AGO2: variants seen among roughly 807,000 people sequenced by gnomAD.
AGO2 encodes argonaute RISC catalytic component 2.
In AGO2, 5 loss-of-function variants were observed where a neutral mutation model predicts 102.3. That is an observed-to-expected ratio of 0.05 (90% CI 0.03 to 0.10). The LOEUF (loss-of-function observed/expected upper bound fraction) is 0.10. Ranked by LOEUF, AGO2 falls within the 10% of genes least tolerant of loss-of-function variation. The pLI, the probability that AGO2 is intolerant of heterozygous loss-of-function variation, is 1.00. For synonymous variants in AGO2, 449 were observed against 473.1 expected (o/e 0.95, Z 0.66); for missense variants, 541 against 1,183.7 (o/e 0.46, Z 7.97).
rs1356656172 is a variant in AGO2 at position 140,531,325 on chromosome 8, A to G, written c.*719T>C. The G allele has an allele frequency of 6.6e-6, 1 of 152,604 alleles. No homozygotes were observed. The highest frequency in any genetic ancestry group is 1.5e-5 in the Non-Finnish European group (1 of 68,054). 9.5% of individuals were successfully genotyped at this position (152,604 alleles called of 1,614,324 possible). On this transcript the variant is annotated 3_prime_UTR_variant, in exon 19 of 19. Transcript: ENST00000220592. ...AATCTGATGATTAGACTGTCAGTATATTGTCTTTTTTCTTTTTTTAAATAC... is the reference window on the plus strand; with the variant it reads ...AATCTGATGATTAGACTGTCAGTATGTTGTCTTTTTTCTTTTTTTAAATAC...
chr8:140,594,812 G>A (rs1452716599), intron 1 of AGO2, among the ~76,000 whole-genome samples: 7 of 87,802 alleles, frequency 8.0e-5, no homozygotes, highest in South Asian at 3.7e-4. Flanking sequence ...CCGTCTCGAC[G>A]GAAAGAAAAA....
At chr8:140,541,023 C>T in intron 15 of AGO2, 141 bp downstream of exon 15, 1 of 1,023,932 alleles carries the variant, frequency 9.8e-7, no homozygotes, top group Non-Finnish European at 1.4e-6. Flanking sequence ...CCTGGACCCC[C>T]TTCCATGGTG....
At chr8:140,633,861 G>A (rs749392561) in intron 1 of AGO2, among the ~76,000 whole-genome samples, 1 of 152,238 alleles carries the variant, frequency 6.6e-6, no homozygotes, top group African/African-American at 2.4e-5. Context: ...TCAGCAAGTG[G>A]AGTGAATTAA....
At chr8:140,608,490 G>A (rs1034758776) in intron 1 of AGO2, among the ~76,000 whole-genome samples, 4 of 152,210 alleles carry the variant, frequency 2.6e-5, no homozygotes, top group African/African-American at 9.7e-5. Flanking sequence ...CCCTCCCAGC[G>A]CTATTCAGGG....
intron 1 of AGO2, among the ~76,000 whole-genome samples, chr8:140,609,468 G>A (rs546578875): frequency 1.1e-4 from 17 of 152,312 alleles, no homozygotes; most frequent in Admixed American, 9.2e-4. Flanking sequence ...AGGTCGGCAC[G>A]GCGGCCCGCC....
rs535691560 is a variant in AGO2, at chr8:140,586,676, T to C, written c.23-1365A>G. ...CAGGGAGTGGACATCACAGTCCAGG[T>C]GGGTTCAGTGGAGACAGCCACTCCC... On this transcript the variant is annotated intron_variant, in intron 1 of 18. Transcript: ENST00000220592. Among the ~76,000 whole-genome samples the C allele has an allele frequency of 4.4e-4, 67 of 152,186 alleles. 2 individuals are homozygous for C. The highest frequency in any genetic ancestry group is 4.4e-4 in the Non-Finnish European group (30 of 67,996).
chr8:140,533,144 C>A (rs897116606), intron 17 of AGO2, among the ~76,000 whole-genome samples: 1 of 151,724 alleles, frequency 6.6e-6, no homozygotes, highest in African/African-American at 2.4e-5. Flanking sequence ...AATCCCAGCA[C>A]TTTGGGAGGC....
intron 10 of AGO2, among the ~76,000 whole-genome samples, chr8:140,552,942 T>C (rs980912002): frequency 2.6e-5 from 4 of 152,174 alleles, no homozygotes; most frequent in Admixed American, 2.6e-4. Flanking sequence ...GGCAAAATCA[T>C]CCCTGGTCGA....
At position 140,540,087 on chromosome 8, in the gene AGO2, A is replaced by AAAAAAAACAAAC. The variant is rs1256440734; in HGVS notation, c.2035-645_2035-634dup. Among the ~76,000 whole-genome samples, 5 of 151,960 alleles carry AAAAAAAACAAAC rather than the reference A, an allele frequency of 3.3e-5. No homozygotes were observed. In the East Asian group the frequency reaches 9.7e-4, roughly 29 times the overall value. On this transcript the variant is annotated intron_variant, in intron 15 of 18. Transcript: ENST00000220592. The surrounding 1 kb of genome is among the most constrained non-coding windows in gnomAD (Gnocchi z 5.0). ...ACTGGAGACAGCGAGAGTCTTTCTC[A>AAAAAAAACAAAC]AAAAAAACAAACAAAAAAACAAAAC...
Position 140,524,503 on chromosome 8 carries a change from GGAAA to G in AGO2, c.*7537_*7540del, listed in dbSNP as rs1259405158. The G allele has an allele frequency of 6.6e-6, 1 of 152,230 alleles. No homozygotes were observed. The highest frequency in any genetic ancestry group is 1.5e-5 in the Non-Finnish European group (1 of 68,062). The allele number at this position is 152,230 out of a possible 1,614,324, so 9.4% of individuals were successfully genotyped here. ...GTTTACAAGTCAGGGGCTGAGGAGC[GGAAA>G]GAAAGCTTCCAAGGCTGGAGGTCCA... On this transcript the variant is annotated 3_prime_UTR_variant, in exon 19 of 19. Coordinates refer to ENST00000220592, the MANE Select transcript of AGO2 (RefSeq NM_012154.5).
intron 16 of AGO2, among the ~76,000 whole-genome samples, chr8:140,537,316 GGTTTC>G (rs1346970125): frequency 1.3e-5 from 2 of 148,934 alleles, no homozygotes; most frequent in Admixed American, 6.8e-5. Context: ...CAATTTTCAG[GGTTTC>G]TTTTCTTTTT....
the AGO2 span, among the ~76,000 whole-genome samples, chr8:140,642,290 G>A: frequency 6.6e-5 from 10 of 152,134 alleles, no homozygotes; most frequent in Admixed American, 4.6e-4. Flanking sequence ...TAGATGCCCC[G>A]CTTCTCTGAA....
At chr8:140,592,011 T>A (rs929049934) in intron 1 of AGO2, 1 of 152,108 alleles carries the variant, frequency 6.6e-6, no homozygotes, top group Non-Finnish European at 1.5e-5. Flanking sequence ...TCCCAGCTAT[T>A]TGGGAGGCTG....
At chr8:140,535,675 GT>G in intron 16 of AGO2, 106 bp from the exon 17 acceptor site, 2 of 1,043,460 alleles carry the variant, frequency 1.9e-6, no homozygotes. Flanking sequence ...CTATTTTGAA[GT>G]TTTTAAATTG....
At chr8:140,638,018 C>T (rs751793751), upstream of AGO2, 3 of 152,274 alleles carry the variant, frequency 2.0e-5, no homozygotes, top group Non-Finnish European at 4.4e-5. Context: ...CAATTCCTTC[C>T]TCTGTGTTTT....
chr8:140,634,676 C>G (rs945732468), intron 1 of AGO2, among the ~76,000 whole-genome samples: 2 of 152,214 alleles, frequency 1.3e-5, no homozygotes, highest in Admixed American at 1.3e-4. Context: ...AGGGGTGCTA[C>G]AGGAATCCAC....
chr8:140,588,577 AG>A (rs2073696272), intron 1 of AGO2, among the ~76,000 whole-genome samples: 1 of 96,376 alleles, frequency 1.0e-5, no homozygotes, highest in Non-Finnish European at 2.3e-5. Context: ...GGAGGGAGGG[AG>A]TAAAGAAGGG....
chr8:140,581,218 C>T (rs2073552002), intron 2 of AGO2, among the ~76,000 whole-genome samples: 1 of 152,198 alleles, frequency 6.6e-6, no homozygotes, highest in South Asian at 2.1e-4. Flanking sequence ...GCCTGGGCAA[C>T]ATGGTGAAAC....
chr8:140,613,979 G>A (rs1008162788), intron 1 of AGO2, among the ~76,000 whole-genome samples: 5 of 123,782 alleles, frequency 4.0e-5, no homozygotes, highest in African/African-American at 1.6e-4. Context: ...CATCCCCAAC[G>A]CACTCCAGCC....
Sources: allele counts gnomAD v4.1 joint callset (sites outside exome capture counted in the v4.1 genomes callset), GRCh38; gene constraint gnomAD v4.1.1; non-coding constraint Gnocchi (gnomAD v3.1); transcripts MANE v1.5; gene names NCBI Gene and HGNC (gene_info 2026-07-23, HGNC 2026-07-21).